The following VPS13C variants were observed in gnomAD, a reference collection of about 807,000 sequenced individuals.
The protein encoded by VPS13C is vacuolar protein sorting 13 homolog C.
A neutral mutation model predicts 456.8 loss-of-function variants in VPS13C; 358 were observed. The observed-to-expected ratio is 0.78, with a 90% CI of 0.72 to 0.86. The LOEUF (loss-of-function observed/expected upper bound fraction) is 0.86. VPS13C is among the 40% of genes least tolerant of loss of function. The pLI is 0.00. For missense variants in VPS13C, 4,818 were observed against 4,385.4 expected (o/e 1.10, Z -2.79); for synonymous variants, 1,578 against 1,486.7 (o/e 1.06, Z -1.41).
At chr15:61,972,549 T>C (rs983641250) in intron 27 of VPS13C, 76 bp downstream of exon 27, 1 of 1,505,574 alleles carries the variant, frequency 6.6e-7, no homozygotes, top group Non-Finnish European at 9.0e-7. Flanking sequence ...TACTTGACAT[T>C]TGGGTCTAGC....
At position 61,947,236 on chromosome 15, in the gene VPS13C, A is replaced by T; in HGVS notation, c.4833T>A (p.Phe1611Leu). ...ITAELNAFNVFVCDQKCNIAD... is the reference protein window; with the variant it reads ...ITAELNAFNVLVCDQKCNIAD... Reference sequence around the variant, plus strand: ...CAATGTTACACTTCTGATCACAGACAAAGACATTAAATGCATTTAATTCAG... The same window carrying T: ...CAATGTTACACTTCTGATCACAGACTAAGACATTAAATGCATTTAATTCAG... Residue 1611 changes from phenylalanine to leucine, a missense_variant, in exon 43 of 85, where the codon TTT becomes TTA. Phe to Leu is a conservative substitution (Grantham distance 22, BLOSUM62 0). Coordinates refer to ENST00000644861, the MANE Select transcript of VPS13C (RefSeq NM_020821.3). 11 of 1,607,838 alleles carry T rather than the reference A, an allele frequency of 6.8e-6. No homozygotes were observed. The highest frequency in any genetic ancestry group is 7.6e-6 in the Non-Finnish European group (9 of 1,178,078).
intron 66 of VPS13C, among the ~76,000 whole-genome samples, chr15:61,892,335 T>C (rs1245850247): frequency 6.6e-6 from 1 of 152,146 alleles, no homozygotes; most frequent in East Asian, 1.9e-4. Context: ...CCTTCCTACA[T>C]AGCTGGGATA....
At position 62,010,592 on chromosome 15, in the gene VPS13C, C is replaced by G; in HGVS notation, c.891G>C (p.Gln297His). 6.2e-7 allele frequency: 1 copy of G among 1,609,294 alleles called. No homozygotes were observed. The highest frequency in any genetic ancestry group is 8.5e-7 in the Non-Finnish European group (1 of 1,178,260). ...NIPPNYQYIF[Q>H]PISASAKLYM... The stretch of plus-strand genomic sequence containing the variant: ...AGAGTTTTGCAGAGGCTGATATTGG[C>G]TGGAAAACTTACATCACATGGGAAG... The change falls in exon 13 of 85, where the codon CAG becomes CAC. Residue 297 changes from glutamine (Q) to histidine (H), a missense_variant. Physicochemically the swap from Gln to His is conservative, Grantham distance 24. Coordinates refer to ENST00000644861, the MANE Select transcript of VPS13C (RefSeq NM_020821.3).
chr15:61,946,324 G>T lies in VPS13C; in HGVS notation c.4963C>A (p.Gln1655Lys), dbSNP rs778439861. 2 of 1,594,832 alleles carry T rather than the reference G, an allele frequency of 1.3e-6. No individual in the cohort carries two copies. The highest frequency in any genetic ancestry group is 1.7e-6 in the Non-Finnish European group (2 of 1,173,612). ...TTAATCACCTTTTTGTGAATGGACT[G>T]CAAATCTACATTCATAACTATAATA... ...KDIIVMNVDL[Q>K]SIHKKAVSIL... The change falls in exon 44 of 85, where the codon CAG becomes AAG. Residue 1655 changes from glutamine (Q) to lysine (K), a missense_variant. Coordinates refer to ENST00000644861, the MANE Select transcript of VPS13C (RefSeq NM_020821.3).
At chr15:61,971,974 G>A (rs1449148958) in intron 27 of VPS13C, among the ~76,000 whole-genome samples, 2 of 152,058 alleles carry the variant, frequency 1.3e-5, no homozygotes, top group African/African-American at 4.8e-5. Context: ...ATCAAAGCAA[G>A]ACAAATTTTT....
At chr15:61,929,317 T>A (rs1241739727) in intron 51 of VPS13C, among the ~76,000 whole-genome samples, 184 bp downstream of exon 51, 1 of 152,248 alleles carries the variant, frequency 6.6e-6, no homozygotes, top group Non-Finnish European at 1.5e-5. Flanking sequence ...ATTGGTCCAA[T>A]ATCTACTGTA....
At chr15:61,894,829 T>C (rs529821207) in intron 66 of VPS13C, among the ~76,000 whole-genome samples, 5 of 152,260 alleles carry the variant, frequency 3.3e-5, no homozygotes, top group African/African-American at 1.2e-4. Context: ...AGAGAGATCA[T>C]CCAGACAGAA....
chr15:61,922,051 A>C lies in VPS13C; in HGVS notation c.6976-18T>G, dbSNP rs1187469657. The C allele has an allele frequency of 6.2e-7, 1 of 1,610,414 alleles. No homozygotes were observed. ...TAGTGCACCTGGAAAGATACACACA[A>C]AATTATAAGACAGTCCTTTGGCTTT... On this transcript the variant is annotated intron_variant, in intron 54 of 84. Transcript: ENST00000644861.
chr15:61,866,890 AT>A, intron 81 of VPS13C: 5 of 982,722 alleles, frequency 5.1e-6, no homozygotes, highest in Non-Finnish European at 6.0e-6. Context: ...TATACAACAC[AT>A]TAAATCTAAG....
At chr15:61,964,949 G>T in intron 30 of VPS13C, 88 bp from the exon 31 acceptor site, 1 of 1,251,028 alleles carries the variant, frequency 8.0e-7, no homozygotes, top group East Asian at 2.4e-5. Flanking sequence ...TCTCAGGTGG[G>T]CTTACATCAT....
Position 61,929,500 on chromosome 15 carries a change from C to A in VPS13C, c.6286+1G>T. The A allele has an allele frequency of 1.2e-6, 2 of 1,612,714 alleles. No homozygotes were observed. Among genetic ancestry groups the A allele is most frequent in the Non-Finnish European group, 1.7e-6 (2 of 1,178,968 alleles). On this transcript the variant is annotated splice_donor_variant, in intron 51 of 84. Coordinates refer to ENST00000644861, the MANE Select transcript of VPS13C (RefSeq NM_020821.3). LOFTEE classifies it high-confidence loss of function. ...ATCTATGACAGATAAATTCTGCTAA[C>A]CTTTCTCTATCTTGACCTTCCCTGT...
At chr15:61,997,000 T>C (rs544664131) in intron 16 of VPS13C, among the ~76,000 whole-genome samples, 1 of 149,262 alleles carries the variant, frequency 6.7e-6, no homozygotes, top group Non-Finnish European at 1.5e-5. Flanking sequence ...CATACATACA[T>C]ATATATATAT....
chr15:61,910,602 G>T (rs1487492442), intron 63 of VPS13C, among the ~76,000 whole-genome samples: 1 of 151,960 alleles, frequency 6.6e-6, no homozygotes, highest in Non-Finnish European at 1.5e-5. Flanking sequence ...TTTAATTATT[G>T]AAAAATTATA....
chr15:61,938,624 G>A (rs2044309488), intron 47 of VPS13C, among the ~76,000 whole-genome samples: 1 of 152,160 alleles, frequency 6.6e-6, no homozygotes, highest in Admixed American at 6.5e-5. Flanking sequence ...TAAAGTATCA[G>A]ATGTTACTTT....
intron 66 of VPS13C, among the ~76,000 whole-genome samples, chr15:61,898,684 G>C (rs1191652009): frequency 7.7e-6 from 1 of 130,282 alleles, no homozygotes; most frequent in Non-Finnish European, 1.6e-5. Flanking sequence ...GTCAACATTA[G>C]ACAGATCAAC....
chr15:61,881,891 T>C, intron 69 of VPS13C, 63 bp from the exon 70 acceptor site: 5 of 1,437,162 alleles, frequency 3.5e-6, no homozygotes, highest in African/African-American at 1.4e-5. Flanking sequence ...GTTTCAAAGA[T>C]AATGTTATAG....
intron 18 of VPS13C, among the ~76,000 whole-genome samples, chr15:61,985,993 G>A (rs1343424574): frequency 6.6e-6 from 1 of 151,910 alleles, no homozygotes; most frequent in Admixed American, 6.6e-5. Flanking sequence ...GAGTAAAGGT[G>A]AACTGGAAGC....
intron 66 of VPS13C, among the ~76,000 whole-genome samples, chr15:61,892,485 G>A (rs552103109): frequency 6.6e-6 from 1 of 152,234 alleles, no homozygotes; most frequent in African/African-American, 2.4e-5. Context: ...GGACCCAAAG[G>A]CAACTGCAAA....
At chr15:61,919,485 T>C (rs1301486508) in intron 57 of VPS13C, 36 bp from the exon 58 acceptor site, 3 of 1,459,932 alleles carry the variant, frequency 2.1e-6, no homozygotes, top group Non-Finnish European at 9.0e-7. Context: ...ATTCCAAATA[T>C]TAATTTGCCA....
Sources: gnomAD v4.1 joint callset for allele counts (sites outside exome capture counted in the v4.1 genomes callset) on GRCh38, gnomAD v4.1.1 for gene constraint, MANE v1.5 for transcripts, NCBI Gene and HGNC (gene_info 2026-07-23, HGNC 2026-07-21) for gene names.